ATF2: variants seen among roughly 807,000 people sequenced by gnomAD.
ATF2 encodes cyclic AMP-dependent transcription factor ATF-2.
A neutral mutation model predicts 60.6 loss-of-function variants in ATF2; 24 were observed. The observed-to-expected ratio is 0.40, with a 90% CI of 0.29 to 0.56. The LOEUF (loss-of-function observed/expected upper bound fraction) is 0.56. Ranked by LOEUF, ATF2 falls within the 20% of genes least tolerant of loss-of-function variation. The probability of loss-of-function intolerance (pLI) is 0.54; values close to 1 mark genes in which losing one functional copy is unlikely to be tolerated. For missense variants in ATF2, 433 were observed against 607.7 expected (o/e 0.71, Z 3.02); for synonymous variants, 206 against 215.4 (o/e 0.96, Z 0.38).
At chr2:175,108,325 G>C (rs1488225706) in intron 10 of ATF2, among the ~76,000 whole-genome samples, 14 of 151,900 alleles carry the variant, frequency 9.2e-5, no homozygotes, top group South Asian at 6.2e-4. Context: ...GGGAGGTGGG[G>C]GGTCAACCCC....
At chr2:175,165,275 A>T (rs1249441747) in intron 1 of ATF2, among the ~76,000 whole-genome samples, 2 of 152,206 alleles carry the variant, frequency 1.3e-5, no homozygotes, top group Admixed American at 1.3e-4. Context: ...GGTTTTCATA[A>T]GGGAGACTTC....
intron 4 of ATF2, among the ~76,000 whole-genome samples, chr2:175,129,637 G>C (rs1401927719): frequency 1.3e-5 from 2 of 150,970 alleles, no homozygotes; most frequent in Non-Finnish European, 2.9e-5. Context: ...ATAATTTAGT[G>C]GGTTGTTAAA....
intron 2 of ATF2, 51 bp downstream of exon 2, chr2:175,151,008 TA>T (rs944430509): frequency 6.6e-6 from 1 of 152,600 alleles, no homozygotes; most frequent in African/African-American, 2.4e-5. Context: ...ATTTGAAAGA[TA>T]ATCACAAAAT....
At chr2:175,111,677 T>C in intron 9 of ATF2, 23 bp from the exon 10 acceptor site, 2 of 1,584,622 alleles carry the variant, frequency 1.3e-6, no homozygotes, top group Non-Finnish European at 1.7e-6. Flanking sequence ...TAAGGAAAAA[T>C]AATTGCTAGA....
intron 1 of ATF2, among the ~76,000 whole-genome samples, chr2:175,154,549 C>T (rs1574496851): frequency 6.6e-6 from 1 of 152,090 alleles, no homozygotes; most frequent in East Asian, 1.9e-4. Context: ...AAACCAGTAA[C>T]ATCATTGTTT....
At chr2:175,167,936 G>A (rs1700481402) in intron 1 of ATF2, 114 bp downstream of exon 1, 1 of 354,306 alleles carries the variant, frequency 2.8e-6, no homozygotes, top group African/African-American at 2.1e-5. Flanking sequence ...AGCACCCGAG[G>A]TGATGGGAAA....
At chr2:175,124,596 A>G (rs1372574610) in intron 4 of ATF2, among the ~76,000 whole-genome samples, 1 of 151,924 alleles carries the variant, frequency 6.6e-6, no homozygotes, top group Non-Finnish European at 1.5e-5. Flanking sequence ...TCATTTCACT[A>G]CTTTTTTCAC....
chr2:175,107,873 A>G, intron 10 of ATF2, among the ~76,000 whole-genome samples: 1 of 152,252 alleles, frequency 6.6e-6, no homozygotes. Flanking sequence ...TCAGTGCTCA[A>G]AGGTGCTCAG....
intron 11 of ATF2, among the ~76,000 whole-genome samples, chr2:175,095,149 G>A (rs918789882): frequency 8.6e-5 from 13 of 151,490 alleles, no homozygotes; most frequent in African/African-American, 3.2e-4. Flanking sequence ...CCAGGCTGGA[G>A]TGCAATGACG....
intron 1 of ATF2, among the ~76,000 whole-genome samples, chr2:175,162,377 G>A (rs1700085288): frequency 6.6e-6 from 1 of 152,170 alleles, no homozygotes; most frequent in Admixed American, 6.5e-5. Flanking sequence ...GTTCACAAAA[G>A]TATGGCAAAG....
chr2:175,163,519 A>G (rs1021414952), intron 1 of ATF2, among the ~76,000 whole-genome samples: 26 of 152,212 alleles, frequency 1.7e-4, no homozygotes, highest in African/African-American at 6.0e-4. Context: ...AGTGGCTGAG[A>G]ACCACTATCT....
At chr2:175,125,989 C>T (rs1396181698) in intron 4 of ATF2, among the ~76,000 whole-genome samples, 2 of 152,240 alleles carry the variant, frequency 1.3e-5, no homozygotes, top group African/African-American at 2.4e-5. Context: ...ATGTATCTCA[C>T]TTTCCCTTTA....
chr2:175,113,534 A>G (rs1247430878), intron 9 of ATF2, among the ~76,000 whole-genome samples: 1 of 152,176 alleles, frequency 6.6e-6, no homozygotes. Flanking sequence ...TCACAGGGAA[A>G]GTGAAAGATT....
intron 1 of ATF2, among the ~76,000 whole-genome samples, chr2:175,154,225 G>C (rs889769376): frequency 1.4e-5 from 2 of 141,600 alleles, no homozygotes; most frequent in African/African-American, 5.2e-5. Flanking sequence ...AAAAAGAAAA[G>C]AAAAAAAAAA....
chr2:175,142,196 T>G (rs1698595069), intron 2 of ATF2, among the ~76,000 whole-genome samples: 1 of 151,092 alleles, frequency 6.6e-6, no homozygotes, highest in South Asian at 2.1e-4. Flanking sequence ...CTTTTTTTTT[T>G]TTTTTTTGAG....
rs1453086056 is a variant in ATF2, at chr2:175,117,935, A to G, written c.447+55T>C. The G allele has an allele frequency of 3.3e-6, 5 of 1,502,300 alleles. No homozygotes were observed. The African/African-American group carries it at 7.1e-5, about 21-fold the overall frequency. The allele number at this position is 1,502,300 out of a possible 1,614,324, so 93.1% of individuals were successfully genotyped here. A position where few individuals can be genotyped will look rare whatever the true frequency, so the allele number is the denominator to read the frequency against. On this transcript the variant is annotated intron_variant, in intron 7 of 13. Transcript: ENST00000264110. ...ACATTTTATGGAGATTAAATAGTAA[A>G]CTTTATTTGGGTACTGTTCCTCCCC...
At chr2:175,096,168 A>G (rs965596258) in intron 11 of ATF2, among the ~76,000 whole-genome samples, 16 of 152,234 alleles carry the variant, frequency 1.1e-4, no homozygotes. Flanking sequence ...TCTTCAAGTA[A>G]AGATAAAAGG....
intron 4 of ATF2, among the ~76,000 whole-genome samples, chr2:175,123,873 A>G (rs1697138379): frequency 6.6e-6 from 1 of 152,006 alleles, no homozygotes; most frequent in South Asian, 2.1e-4. Context: ...GACAAAATAC[A>G]CTGGCACTTG....
intron 12 of ATF2, among the ~76,000 whole-genome samples, chr2:175,081,631 T>A (rs212344): frequency 0.093 from 14,117 of 152,274 alleles, 697 homozygotes; most frequent in Middle Eastern, 0.17. Context: ...ACTCACACAG[T>A]AACTATAACC....
Sources: gnomAD v4.1 joint callset for allele counts (sites outside exome capture counted in the v4.1 genomes callset) on GRCh38, gnomAD v4.1.1 for gene constraint, MANE v1.5 for transcripts, NCBI Gene and HGNC (gene_info 2026-07-23, HGNC 2026-07-21) for gene names.